The following MTREX variants were observed in gnomAD, a reference collection of about 807,000 sequenced individuals.
MTREX encodes Mtr4 exosome RNA helicase.
MTREX carries 76 observed loss-of-function variants against 135.4 expected under a neutral mutation model. The observed-to-expected ratio is 0.56, with a 90% CI of 0.47 to 0.68. The LOEUF (loss-of-function observed/expected upper bound fraction) is 0.68. Among genes scored for constraint, MTREX ranks in the 30% least tolerant of loss-of-function variants. MTREX has a pLI of 0.00. For synonymous variants in MTREX, 404 were observed against 401.6 expected (o/e 1.01, Z -0.07); for missense variants, 920 against 1,262.1 (o/e 0.73, Z 4.11).
chr5:55,339,459 A>C (rs187514213), intron 5 of MTREX, among the ~76,000 whole-genome samples: 1 of 152,210 alleles, frequency 6.6e-6, no homozygotes, highest in East Asian at 1.9e-4. Flanking sequence ...GTTTAATGCT[A>C]TCTGTCTATA....
In MTREX at chr5:55,353,282, A is replaced by C. The variant is rs755050247; in HGVS notation, c.1533+13A>C. 6.5e-7 allele frequency: 1 copy of C among 1,528,966 alleles called. No homozygotes were observed. The highest frequency in any genetic ancestry group is 9.0e-7 in the Non-Finnish European group (1 of 1,109,582). The allele number at this position is 1,528,966 out of a possible 1,614,324, so 94.7% of individuals were successfully genotyped here. A position where few individuals can be genotyped will look rare whatever the true frequency, so the allele number is the denominator to read the frequency against. The stretch of plus-strand genomic sequence containing the variant: ...GGATTTCCGATGGGTAAGTAAAGCA[A>C]TTCATATATCAAAATAATTTTTGTC... On this transcript the variant is annotated intron_variant, in intron 14 of 26. Coordinates refer to ENST00000230640, the MANE Select transcript of MTREX (RefSeq NM_015360.5).
chr5:55,417,623 G>A (rs775156595), intron 25 of MTREX, among the ~76,000 whole-genome samples: 1 of 152,166 alleles, frequency 6.6e-6, no homozygotes, highest in Non-Finnish European at 1.5e-5. Context: ...TGAGAAGAGG[G>A]ATGTTGCGTA....
chr5:55,315,074 C>G (rs1749177969), intron 1 of MTREX, among the ~76,000 whole-genome samples: 1 of 152,188 alleles, frequency 6.6e-6, no homozygotes, highest in South Asian at 2.1e-4. Context: ...TCTGTTACAG[C>G]AGCAATAGAA....
chr5:55,339,963 A>G (rs776936444), intron 5 of MTREX, 47 bp from the exon 6 acceptor site: 11 of 1,375,326 alleles, frequency 8.0e-6, no homozygotes, highest in Non-Finnish European at 1.1e-5. Flanking sequence ...TTTTAAAGTC[A>G]TAATTTAAAG....
chr5:55,349,500 A>G (rs1447029506), intron 11 of MTREX, 73 bp from the exon 12 acceptor site: 9 of 835,220 alleles, frequency 1.1e-5, no homozygotes, highest in Non-Finnish European at 1.8e-5. Context: ...TTAGATTCTT[A>G]TTCTTTGTAA....
chr5:55,341,885 T>G, intron 7 of MTREX, 114 bp downstream of exon 7: 2 of 538,104 alleles, frequency 3.7e-6, no homozygotes, highest in Non-Finnish European at 3.2e-6. Context: ...AGGGTTCTAA[T>G]AAACTGTTGT....
chr5:55,419,179 C>A (rs985252418), intron 25 of MTREX, among the ~76,000 whole-genome samples: 1 of 152,134 alleles, frequency 6.6e-6, no homozygotes, highest in Non-Finnish European at 1.5e-5. Flanking sequence ...ATACTGTAAT[C>A]AAAGCTGTAG....
chr5:55,338,442 G>A (rs1749588289), intron 5 of MTREX, among the ~76,000 whole-genome samples: 2 of 151,934 alleles, frequency 1.3e-5, no homozygotes. Context: ...CTTTGCCTTT[G>A]TCATTTAGCA....
In MTREX at chr5:55,383,403, T is replaced by C. The variant is rs978662126; in HGVS notation, c.2052+4208T>C. On this transcript the variant is annotated intron_variant, in intron 18 of 26. Transcript: ENST00000230640. ...TTTTTAGTCTATCTGAAAATGTCTTTATTTTGCCTTCATTTTTGAAAGGTA... is the reference window on the plus strand; with the variant it reads ...TTTTTAGTCTATCTGAAAATGTCTTCATTTTGCCTTCATTTTTGAAAGGTA... 2.0e-5 allele frequency among the ~76,000 whole-genome samples: 3 copies of C among 152,304 alleles called. No individual in the cohort carries two copies. The East Asian group carries it at 5.8e-4, about 29-fold the overall frequency.
intron 21 of MTREX, among the ~76,000 whole-genome samples, chr5:55,404,654 T>C (rs1750773235): frequency 6.6e-6 from 1 of 152,186 alleles, no homozygotes. Context: ...AATCCTGTCT[T>C]GGGAGAGCCT....
At chr5:55,329,041 A>G (rs1749426527) in intron 5 of MTREX, among the ~76,000 whole-genome samples, 1 of 152,190 alleles carries the variant, frequency 6.6e-6, no homozygotes, top group South Asian at 2.1e-4. Flanking sequence ...TTCATCGTTA[A>G]GCATGATATT....
chr5:55,327,620 T>C (rs1579850964), intron 3 of MTREX, 96 bp from the exon 4 acceptor site: 1 of 942,588 alleles, frequency 1.1e-6, no homozygotes, highest in East Asian at 2.4e-5. Context: ...AGTTCATCAG[T>C]TTTATTTTCC....
intron 6 of MTREX, among the ~76,000 whole-genome samples, chr5:55,341,164 C>G (rs1749642266): frequency 6.6e-6 from 1 of 152,102 alleles, no homozygotes; most frequent in South Asian, 2.1e-4. Flanking sequence ...AACTTTCTTT[C>G]ATCTGTGGAA....
chr5:55,311,700 C>T (rs1009539273), intron 1 of MTREX, among the ~76,000 whole-genome samples: 5 of 152,030 alleles, frequency 3.3e-5, no homozygotes, highest in Admixed American at 2.6e-4. Flanking sequence ...TTGAGATGTT[C>T]GGTGAGTGTA....
At chr5:55,346,963 C>G in intron 10 of MTREX, 50 bp from the exon 11 acceptor site, 1 of 1,444,044 alleles carries the variant, frequency 6.9e-7, no homozygotes, top group Non-Finnish European at 9.4e-7. Flanking sequence ...AAATTTAGAT[C>G]TGTGATCTAT....
chr5:55,374,264 T>TTATATATA (rs763872215), intron 16 of MTREX, among the ~76,000 whole-genome samples: 8,586 of 139,414 alleles, frequency 0.062, 333 homozygotes, highest in East Asian at 0.15. Flanking sequence ...CAAAAAACAT[T>TTATATATA]TATATATATA....
chr5:55,395,562 G>T (rs1022223468), intron 19 of MTREX, among the ~76,000 whole-genome samples: 1 of 152,114 alleles, frequency 6.6e-6, no homozygotes, highest in South Asian at 2.1e-4. Context: ...GTCTCTAAAG[G>T]CTCTCCCTAC....
At chr5:55,310,834 A>G (rs1003639232) in intron 1 of MTREX, among the ~76,000 whole-genome samples, 8 of 152,264 alleles carry the variant, frequency 5.3e-5, no homozygotes, top group African/African-American at 1.9e-4. Flanking sequence ...GCTGGAGTGC[A>G]CTGGTGCTTA....
chr5:55,346,290 A>C (rs2112064147), intron 10 of MTREX, among the ~76,000 whole-genome samples: 1 of 152,298 alleles, frequency 6.6e-6, no homozygotes, highest in South Asian at 2.1e-4. Flanking sequence ...CCTTCCAGGA[A>C]TGTGTGAGGG....
Sources: gnomAD v4.1 joint callset for allele counts (sites outside exome capture counted in the v4.1 genomes callset) on GRCh38, gnomAD v4.1.1 for gene constraint, MANE v1.5 for transcripts, NCBI Gene and HGNC (gene_info 2026-07-23, HGNC 2026-07-21) for gene names.